Variants in FAM184A observed in about 807,000 individuals in gnomAD.
FAM184A encodes the protein family with sequence similarity 184 member A.
Under a neutral mutation model 143.8 loss-of-function variants are expected in FAM184A, and 99 were observed. That is an observed-to-expected ratio of 0.69 (90% CI 0.58 to 0.81). The LOEUF (loss-of-function observed/expected upper bound fraction) is 0.81. Among genes scored for constraint, FAM184A ranks in the 40% least tolerant of loss-of-function variants. FAM184A has a pLI of 0.00. For synonymous variants in FAM184A, 427 were observed against 446.4 expected (o/e 0.96, Z 0.55); for missense variants, 1,217 against 1,310.5 (o/e 0.93, Z 1.10).
intron 14 of FAM184A, among the ~76,000 whole-genome samples, chr6:118,968,356 A>G (rs750697112): frequency 1.5e-4 from 23 of 152,272 alleles, no homozygotes; most frequent in Non-Finnish European, 2.8e-4. Context: ...TGGGCTGCAT[A>G]TGGCCTGCAG....
chr6:119,123,777 G>A (rs1353812007), intron 1 of FAM184A, among the ~76,000 whole-genome samples: 2 of 152,206 alleles, frequency 1.3e-5, no homozygotes, highest in Non-Finnish European at 2.9e-5. Flanking sequence ...TTTGCAGTAT[G>A]TATAGGTGTT....
intron 9 of FAM184A, among the ~76,000 whole-genome samples, chr6:118,991,688 A>G (rs1171170930): frequency 6.8e-6 from 1 of 147,626 alleles, no homozygotes; most frequent in Non-Finnish European, 1.5e-5. Flanking sequence ...AAGGTTTAGT[A>G]GGACAGTGAG....
intron 9 of FAM184A, among the ~76,000 whole-genome samples, chr6:118,995,290 G>C (rs1350043154): frequency 6.6e-6 from 1 of 151,992 alleles, no homozygotes; most frequent in Non-Finnish European, 1.5e-5. Flanking sequence ...GGTGATACCT[G>C]CCTGTAGTTT....
chr6:119,024,572 T>G lies in FAM184A; in HGVS notation c.401A>C (p.His134Pro). The G allele has an allele frequency of 6.2e-7, 1 of 1,614,224 alleles. No individual in the cohort carries two copies. The highest frequency in any genetic ancestry group is 8.5e-7 in the Non-Finnish European group (1 of 1,180,040). ...ACAAAGTTGCATGTCCTCAACTCTG[T>G]GCTTATAAGCTTCAAATTCTGTCAA... is the stretch of plus-strand genomic sequence containing the variant. ...QALTEFEAYK[H>P]RVEDMQLCAE... The change falls in exon 2 of 18, where the codon CAC becomes CCC. Residue 134 changes from histidine to proline, a missense_variant. Coordinates refer to ENST00000338891, the MANE Select transcript of FAM184A (RefSeq NM_024581.6).
chr6:119,034,579 T>A (rs2797359), intron 1 of FAM184A, among the ~76,000 whole-genome samples: 26,058 of 100,886 alleles, frequency 0.26, 2,562 homozygotes, highest in African/African-American at 0.29. Flanking sequence ...TTTTTTTTTT[T>A]TAAAAAAACC....
rs959923302 is a variant in FAM184A, at chr6:118,988,697, C to A, written c.2089-8347G>T. 3.3e-5 allele frequency among the ~76,000 whole-genome samples: 5 copies of A among 152,178 alleles called. No homozygotes were observed. The South Asian group carries it at 8.3e-4, about 25-fold the overall frequency. On this transcript the variant is annotated intron_variant, in intron 9 of 17. Transcript: ENST00000338891. ...AGAGACACCCTTATATCTTTTTAAT[C>A]CTATTTCCTAGGATATATTTGGCAA...
intron 9 of FAM184A, among the ~76,000 whole-genome samples, chr6:118,990,978 G>A (rs1784359480): frequency 6.6e-6 from 1 of 151,688 alleles, no homozygotes; most frequent in Non-Finnish European, 1.5e-5. Context: ...TGAGTAAGAT[G>A]TATCAACTTA....
At chr6:119,119,882 G>A (rs965707852) in intron 1 of FAM184A, among the ~76,000 whole-genome samples, 1 of 152,112 alleles carries the variant, frequency 6.6e-6, no homozygotes, top group African/African-American at 2.4e-5. Context: ...GTCCCAGGAG[G>A]CTGAGTTGAG....
intron 1 of FAM184A, among the ~76,000 whole-genome samples, chr6:119,038,660 C>G (rs972635115): frequency 6.6e-6 from 1 of 152,194 alleles, no homozygotes; most frequent in South Asian, 2.1e-4. Flanking sequence ...AATGGGCAAC[C>G]AGCAGCCCTC....
At chr6:119,087,097 A>AAACC (rs1177819893) in intron 1 of FAM184A, among the ~76,000 whole-genome samples, 9 of 152,164 alleles carry the variant, frequency 5.9e-5, no homozygotes, top group Admixed American at 5.9e-4. Flanking sequence ...GCCTTCCCAA[A>AAACC]TTGTGTATGT....
chr6:118,995,524 A>G (rs1288559961), intron 9 of FAM184A, among the ~76,000 whole-genome samples: 1 of 152,250 alleles, frequency 6.6e-6, no homozygotes, highest in East Asian at 1.9e-4. Context: ...CAAGTATACT[A>G]ATATCTAGAG....
intron 1 of FAM184A, among the ~76,000 whole-genome samples, chr6:119,030,766 CAA>C (rs1785837771): frequency 6.6e-6 from 1 of 150,740 alleles, no homozygotes; most frequent in Non-Finnish European, 1.5e-5. Flanking sequence ...TATTTTTTTA[CAA>C]ATAGAAAAAA....
chr6:119,002,277 C>T (rs1784786446), intron 9 of FAM184A, among the ~76,000 whole-genome samples: 1 of 152,118 alleles, frequency 6.6e-6, no homozygotes, highest in Non-Finnish European at 1.5e-5. Flanking sequence ...TAATGACTTG[C>T]TCTGCGGAAG....
chr6:119,136,780 G>A (rs1276755106), intron 1 of FAM184A, among the ~76,000 whole-genome samples: 1 of 152,330 alleles, frequency 6.6e-6, no homozygotes, highest in Admixed American at 6.5e-5. Context: ...TGTCTGGCCT[G>A]GTTTGGGCCA....
intron 1 of FAM184A, among the ~76,000 whole-genome samples, chr6:119,130,858 CTTT>C (rs67738048): frequency 0.011 from 1,454 of 131,678 alleles, 25 homozygotes; most frequent in African/African-American, 0.04. Context: ...TTCTTTTTTT[CTTT>C]TTTTTTTTTT....
At chr6:119,032,333 C>T (rs1169904743) in intron 1 of FAM184A, among the ~76,000 whole-genome samples, 2 of 151,818 alleles carry the variant, frequency 1.3e-5, no homozygotes, top group African/African-American at 4.8e-5. Context: ...AGTATTTCTA[C>T]ACATTCTATA....
At chr6:119,009,793 G>T (rs1247766989) in intron 6 of FAM184A, among the ~76,000 whole-genome samples, 1 of 152,152 alleles carries the variant, frequency 6.6e-6, no homozygotes, top group Non-Finnish European at 1.5e-5. Context: ...GACCATGTCT[G>T]ACTGACTTAT....
intron 1 of FAM184A, among the ~76,000 whole-genome samples, chr6:119,044,045 G>C (rs1465084935): frequency 2.0e-5 from 3 of 152,138 alleles, no homozygotes; most frequent in African/African-American, 7.2e-5. Context: ...AAACAGTAGA[G>C]AGAACCAATG....
upstream of FAM184A, chr6:119,078,801 G>GCGCAGCCGC (rs1554194639): frequency 1.3e-5 from 2 of 153,754 alleles, no homozygotes; most frequent in Non-Finnish European, 2.9e-5. This position sits in a 1 kb window ranked among gnomAD's most constrained non-coding sequence, Gnocchi z 5.5. Context: ...GCCCAGCCCC[G>GCGCAGCCGC]CGCAGCCGCC....
Sources: gnomAD v4.1 joint callset for allele counts (sites outside exome capture counted in the v4.1 genomes callset) on GRCh38, gnomAD v4.1.1 for gene constraint, Gnocchi (gnomAD v3.1) non-coding constraint, MANE v1.5 for transcripts, NCBI Gene and HGNC (gene_info 2026-07-23, HGNC 2026-07-21) for gene names.